ANKHD1: variants seen among roughly 807,000 people sequenced by gnomAD.
The protein encoded by ANKHD1 is ankyrin repeat and KH domain containing 1, also known as ankyrin repeat and KH domain-containing protein 1.
In ANKHD1, 31 loss-of-function variants were observed where a neutral mutation model predicts 230.5. The ratio of observed to expected loss-of-function variants is 0.13; its 90% CI spans 0.10 to 0.18. ANKHD1 has a LOEUF of 0.18. Among genes scored for constraint, ANKHD1 ranks in the 10% least tolerant of loss-of-function variants. The pLI is 1.00. For synonymous variants in ANKHD1, 1,074 were observed against 1,117.6 expected (o/e 0.96, Z 0.78); for missense variants, 2,256 against 3,071.3 (o/e 0.73, Z 6.27).
Position 140,464,028 on chromosome 5 carries a change from G to T in ANKHD1, c.1673-639G>T, listed in dbSNP as rs568744732. On this transcript the variant is annotated intron_variant, in intron 9 of 33. Transcript: ENST00000360839. ...AATCTTATATCTCACCTAAGGTTGG[G>T]AGTTCAAGACCAGCCTGGCCAACAT... Among the ~76,000 whole-genome samples the T allele has an allele frequency of 2.6e-5, 4 of 152,018 alleles. No individual in the cohort carries two copies. In the East Asian group the frequency reaches 7.7e-4, roughly 29 times the overall value.
At chr5:140,534,392 A>G (rs1009838265) in intron 29 of ANKHD1, among the ~76,000 whole-genome samples, 67 of 137,788 alleles carry the variant, frequency 4.9e-4, no homozygotes, top group African/African-American at 1.8e-3. Flanking sequence ...ACTCCGTCTC[A>G]AAAAAAAAAA....
intron 22 of ANKHD1, among the ~76,000 whole-genome samples, chr5:140,512,379 T>C (rs1210775672): frequency 6.6e-6 from 1 of 152,160 alleles, no homozygotes; most frequent in East Asian, 1.9e-4. Flanking sequence ...GTTAGTGAAG[T>C]AGAGGCAAAG....
At chr5:140,488,756 C>T (rs1203345141) in intron 14 of ANKHD1, among the ~76,000 whole-genome samples, 7 of 151,858 alleles carry the variant, frequency 4.6e-5, no homozygotes, top group Non-Finnish European at 2.9e-5. Flanking sequence ...AAAAATTAGC[C>T]GGGTGTGGTA....
chr5:140,458,983 TATATATATATATGC>T (rs1440066147), intron 8 of ANKHD1, 121 bp downstream of exon 8: 234 of 19,988 alleles, frequency 0.012, 2 homozygotes, highest in South Asian at 0.03. Context: ...TATATATGCA[TATATATATATATGC>T]ATATATATAT....
chr5:140,535,387 C>CAGCT lies in ANKHD1; in HGVS notation c.6877_6880dup (p.Ser2294Ter), dbSNP rs1163454514. The CAGCT allele has an allele frequency of 6.2e-7, 1 of 1,610,996 alleles. No individual in the cohort carries two copies. The highest frequency in any genetic ancestry group is 8.5e-7 in the Non-Finnish European group (1 of 1,178,868). On this transcript the variant is annotated frameshift_variant, in exon 30 of 34. Coordinates refer to ENST00000360839, the MANE Select transcript of ANKHD1 (RefSeq NM_017747.3). LOFTEE classifies it high-confidence loss of function. ...GGTTACCATCCATTGACCCATCAGG[C>CAGCT]AGCTCCCCATCTTCCTCTTCTGCTC...
rs773671015 is a variant in ANKHD1 at position 140,524,271 on chromosome 5, A to C, written c.4492+31A>C. The C allele has an allele frequency of 1.3e-5, 20 of 1,536,068 alleles. No individual in the cohort carries two copies. In the South Asian group the frequency reaches 1.9e-4, roughly 15 times the overall value. ...AAACAAACCATCTGAATTAACGATA[A>C]AATTCTCCTTTGTTTATCAACTTCA... is the stretch of plus-strand genomic sequence containing the variant. On this transcript the variant is annotated intron_variant, in intron 25 of 33. Transcript: ENST00000360839.
At chr5:140,402,380 T>G in intron 1 of ANKHD1, 107 bp downstream of exon 1, 14 of 1,356,638 alleles carry the variant, frequency 1.0e-5, no homozygotes, top group Non-Finnish European at 1.3e-5. Context: ...AGCCCTTCTG[T>G]GACAGCGGTC....
chr5:140,485,053 AATG>A lies in ANKHD1; in HGVS notation c.1871-65_1871-63del. ...CATTATACTTCACAAAAAATTTTTA[AATG>A]ATATTGACTATGAACTAGCTTGATG... On this transcript the variant is annotated intron_variant, in intron 11 of 33. Coordinates refer to ENST00000360839, the MANE Select transcript of ANKHD1 (RefSeq NM_017747.3). This position sits in a 1 kb window ranked among gnomAD's most constrained non-coding sequence, Gnocchi z 4.8. The A allele has an allele frequency of 6.6e-7, 1 of 1,515,004 alleles. No individual in the cohort carries two copies. Among genetic ancestry groups the A allele is most frequent in the Non-Finnish European group, 8.9e-7 (1 of 1,125,280 alleles). 93.8% of individuals were successfully genotyped at this position (1,515,004 alleles called of 1,614,324 possible).
At chr5:140,466,100 A>C (rs1776064450) in intron 10 of ANKHD1, among the ~76,000 whole-genome samples, 1 of 152,194 alleles carries the variant, frequency 6.6e-6, no homozygotes, top group Non-Finnish European at 1.5e-5. Flanking sequence ...TCTTCTAAAA[A>C]ATTGAATAGG....
At chr5:140,474,703 C>T (rs1170706480) in intron 10 of ANKHD1, among the ~76,000 whole-genome samples, 1 of 149,956 alleles carries the variant, frequency 6.7e-6, no homozygotes. Context: ...CTCATGGCAT[C>T]CCCTTTCCTC....
intron 1 of ANKHD1, among the ~76,000 whole-genome samples, chr5:140,419,719 G>A (rs1027619812): frequency 2.0e-5 from 3 of 150,322 alleles, no homozygotes; most frequent in African/African-American, 7.3e-5. Context: ...TCTCCTGCCT[G>A]TCTTTTCTTT....
intron 14 of ANKHD1, among the ~76,000 whole-genome samples, chr5:140,488,288 T>G (rs985380372): frequency 2.6e-5 from 4 of 152,002 alleles, no homozygotes; most frequent in African/African-American, 9.7e-5. Context: ...AACTCAATAC[T>G]AAATAAGAAT....
intron 22 of ANKHD1, 55 bp from the exon 23 acceptor site, chr5:140,512,773 A>G: frequency 6.8e-7 from 1 of 1,464,292 alleles, no homozygotes; most frequent in Non-Finnish European, 9.2e-7. Context: ...TATTCTTAAG[A>G]ATAATAATTT....
chr5:140,500,391 A>G (rs1047560895), intron 15 of ANKHD1, among the ~76,000 whole-genome samples: 6 of 152,096 alleles, frequency 3.9e-5, no homozygotes, highest in African/African-American at 1.4e-4. Context: ...TCATGCCTGT[A>G]ATCCCAGTAC....
At chr5:140,509,093 C>T (rs1269870926) in intron 20 of ANKHD1, among the ~76,000 whole-genome samples, 3 of 152,034 alleles carry the variant, frequency 2.0e-5, no homozygotes, top group Admixed American at 2.0e-4. Context: ...GTAGTTTTTC[C>T]TTGGCTTTTT....
At chr5:140,410,371 G>A (rs983611508) in intron 1 of ANKHD1, among the ~76,000 whole-genome samples, 8 of 152,122 alleles carry the variant, frequency 5.3e-5, no homozygotes, top group Admixed American at 3.3e-4. Context: ...TCCTTTCTGA[G>A]TCTATTTGTT....
chr5:140,441,631 G>A (rs1773855817), intron 5 of ANKHD1, among the ~76,000 whole-genome samples: 2 of 152,240 alleles, frequency 1.3e-5, no homozygotes, highest in African/African-American at 4.8e-5. Context: ...AGAAATCGGA[G>A]AAGTAGGTAA....
chr5:140,430,956 G>GTA (rs1772997020), intron 1 of ANKHD1, among the ~76,000 whole-genome samples: 1 of 152,132 alleles, frequency 6.6e-6, no homozygotes, highest in African/African-American at 2.4e-5. Flanking sequence ...TGGGCCACAT[G>GTA]TACCCAGCCA....
intron 1 of ANKHD1, among the ~76,000 whole-genome samples, chr5:140,421,024 TA>T (rs1771932497): frequency 6.6e-6 from 1 of 152,210 alleles, no homozygotes; most frequent in Non-Finnish European, 1.5e-5. Context: ...CCATGTAATT[TA>T]AATTTGCCAG....
Sources: allele counts gnomAD v4.1 joint callset (sites outside exome capture counted in the v4.1 genomes callset), GRCh38; gene constraint gnomAD v4.1.1; non-coding constraint Gnocchi (gnomAD v3.1); transcripts MANE v1.5; gene names NCBI Gene and HGNC (gene_info 2026-07-23, HGNC 2026-07-21).